The following PCSK2 variants were observed in gnomAD, a reference collection of about 807,000 sequenced individuals.
PCSK2 encodes the protein neuroendocrine convertase 2.
PCSK2 carries 14 observed loss-of-function variants against 69.7 expected under a neutral mutation model. That is an observed-to-expected ratio of 0.20 (90% CI 0.13 to 0.31). PCSK2 has a LOEUF of 0.31. Among genes scored for constraint, PCSK2 ranks in the 10% least tolerant of loss-of-function variants. The pLI is 1.00. For synonymous variants in PCSK2, 307 were observed against 320.7 expected, an observed-to-expected ratio of 0.96 and a Z score of 0.46; for missense variants, 544 against 842.5, an observed-to-expected ratio of 0.65 and a Z score of 4.39.
intron 9 of PCSK2, among the ~76,000 whole-genome samples, chr20:17,454,918 A>G (rs2032891981): frequency 6.6e-6 from 1 of 152,154 alleles, no homozygotes; most frequent in Non-Finnish European, 1.5e-5. Flanking sequence ...CCTGGAAGGG[A>G]CGCAGACCTT....
chr20:17,238,246 T>A (rs1291244402), intron 1 of PCSK2, among the ~76,000 whole-genome samples: 4 of 151,122 alleles, frequency 2.6e-5, no homozygotes, highest in Non-Finnish European at 4.4e-5. Flanking sequence ...CTTGATGTGG[T>A]TTTAAAGGTA....
chr20:17,412,108 C>T (rs541537625), intron 6 of PCSK2, among the ~76,000 whole-genome samples: 6 of 152,250 alleles, frequency 3.9e-5, no homozygotes, highest in African/African-American at 1.2e-4. Context: ...TTCTAAAAAA[C>T]GAGTGCCTCT....
chr20:17,256,340 A>G (rs1280771515), intron 1 of PCSK2, among the ~76,000 whole-genome samples: 1 of 152,092 alleles, frequency 6.6e-6, no homozygotes, highest in Non-Finnish European at 1.5e-5. Context: ...TATATATAAT[A>G]TCATGTGAAT....
At chr20:17,297,088 C>T (rs553458510) in intron 2 of PCSK2, among the ~76,000 whole-genome samples, 59 of 152,164 alleles carry the variant, frequency 3.9e-4, no homozygotes, top group African/African-American at 1.3e-3. Flanking sequence ...AAAGAGCTGA[C>T]GTTTAAGCAG....
intron 1 of PCSK2, among the ~76,000 whole-genome samples, chr20:17,250,074 C>A (rs750501885): frequency 6.6e-6 from 1 of 152,010 alleles, no homozygotes; most frequent in Non-Finnish European, 1.5e-5. Context: ...ATTCAGCTTC[C>A]CCAAAATTAA....
intron 5 of PCSK2, among the ~76,000 whole-genome samples, chr20:17,373,455 G>C (rs6080664): frequency 5.3e-5 from 8 of 152,170 alleles, no homozygotes; most frequent in Admixed American, 5.2e-4. Context: ...GGGCAGAGGT[G>C]TGGGTACAGA....
At chr20:17,355,262 T>A (rs1291144969) in intron 2 of PCSK2, among the ~76,000 whole-genome samples, 1 of 152,194 alleles carries the variant, frequency 6.6e-6, no homozygotes, top group African/African-American at 2.4e-5. Flanking sequence ...TGTGAGTATT[T>A]TTGTTCTTAC....
chr20:17,241,144 G>A (rs1986555974), intron 1 of PCSK2, among the ~76,000 whole-genome samples: 2 of 152,152 alleles, frequency 1.3e-5, no homozygotes, highest in South Asian at 4.1e-4. Context: ...GTCAGCAGAA[G>A]GAAAGTCTTC....
In PCSK2 at chr20:17,453,175, C is replaced by T. The variant is rs1459875202; in HGVS notation, c.886-567C>T. On this transcript the variant is annotated intron_variant, in intron 8 of 11. Transcript: ENST00000262545. This position sits in a 1 kb window ranked among gnomAD's most constrained non-coding sequence, Gnocchi z 4.0. Reference sequence around the variant, plus strand: ...TTATATATCATGGAGTAAATGTATGCTTTATATTTATAATGTCTACATATC... The same window carrying T: ...TTATATATCATGGAGTAAATGTATGTTTTATATTTATAATGTCTACATATC... Among the ~76,000 whole-genome samples the T allele has an allele frequency of 6.6e-6, 1 of 151,914 alleles. No homozygotes were observed. The highest frequency in any genetic ancestry group is 1.5e-5 in the Non-Finnish European group (1 of 68,008).
chr20:17,307,177 C>T (rs1989352789), intron 2 of PCSK2, among the ~76,000 whole-genome samples: 1 of 152,128 alleles, frequency 6.6e-6, no homozygotes, highest in Non-Finnish European at 1.5e-5. Context: ...ACTTGCCAAG[C>T]ACTGAGAATA....
intron 2 of PCSK2, among the ~76,000 whole-genome samples, chr20:17,305,906 T>G (rs1385559370): frequency 6.6e-6 from 1 of 152,216 alleles, no homozygotes; most frequent in Non-Finnish European, 1.5e-5. Context: ...ATTATCATTG[T>G]AATTAAGTTG....
At chr20:17,405,125 C>A (rs1031624954) in intron 5 of PCSK2, among the ~76,000 whole-genome samples, 5 of 152,220 alleles carry the variant, frequency 3.3e-5, no homozygotes, top group African/African-American at 9.6e-5. Flanking sequence ...ATCCTCACAG[C>A]AACCAACTAG....
intron 2 of PCSK2, among the ~76,000 whole-genome samples, chr20:17,336,920 C>T (rs1011591779): frequency 6.6e-6 from 1 of 152,148 alleles, no homozygotes; most frequent in African/African-American, 2.4e-5. Flanking sequence ...TTGGAAATGA[C>T]AACAATGTTC....
intron 5 of PCSK2, among the ~76,000 whole-genome samples, chr20:17,379,040 C>T (rs1437051712): frequency 2.6e-5 from 4 of 152,188 alleles, no homozygotes; most frequent in Non-Finnish European, 5.9e-5. Context: ...TAACCCCTGG[C>T]TACAGCTGTG....
At chr20:17,478,275 T>C (rs1011029125) in intron 11 of PCSK2, among the ~76,000 whole-genome samples, 21 of 152,318 alleles carry the variant, frequency 1.4e-4, no homozygotes, top group African/African-American at 5.1e-4. Context: ...AACTGAACAA[T>C]TGCTAAAAGG....
At chr20:17,369,338 G>T (rs2030689998) in intron 5 of PCSK2, 61 bp downstream of exon 5, 1 of 1,367,808 alleles carries the variant, frequency 7.3e-7, no homozygotes, top group African/African-American at 1.4e-5. Flanking sequence ...GGTGTCCCTG[G>T]CTATTAGGAA....
At chr20:17,437,707 A>T (rs2032511753) in intron 8 of PCSK2, among the ~76,000 whole-genome samples, 2 of 152,238 alleles carry the variant, frequency 1.3e-5, no homozygotes, top group South Asian at 4.1e-4. Flanking sequence ...CGCTTAAGCA[A>T]CCACCCCAAA....
intron 4 of PCSK2, among the ~76,000 whole-genome samples, chr20:17,361,815 G>A (rs542851312): frequency 1.1e-4 from 17 of 152,220 alleles, no homozygotes; most frequent in Non-Finnish European, 2.1e-4. Flanking sequence ...CTCACAAGAA[G>A]AAAGGAGCCC....
chr20:17,418,212 A>T (rs1454294113), intron 6 of PCSK2, among the ~76,000 whole-genome samples: 1 of 152,190 alleles, frequency 6.6e-6, no homozygotes, highest in Non-Finnish European at 1.5e-5. Context: ...TGAAATAGGT[A>T]TTATGATTTT....
Sources: gnomAD v4.1 joint callset for allele counts (sites outside exome capture counted in the v4.1 genomes callset) on GRCh38, gnomAD v4.1.1 for gene constraint, Gnocchi (gnomAD v3.1) non-coding constraint, MANE v1.5 for transcripts, NCBI Gene and HGNC (gene_info 2026-07-23, HGNC 2026-07-21) for gene names.